Variants in ARSD observed in about 807,000 individuals in gnomAD.
ARSD encodes the protein arylsulfatase D.
ARSD carries 21 observed loss-of-function variants against 32.6 expected under a neutral mutation model. That is an observed-to-expected ratio of 0.64 (90% CI 0.46 to 0.93). ARSD has a LOEUF of 0.93. ARSD is among the 40% of genes least tolerant of loss of function. The pLI is 0.00. For synonymous variants in ARSD, 224 were observed against 237.4 expected, an observed-to-expected ratio of 0.94 and a Z score of 0.52; for missense variants, 454 against 520.9, an observed-to-expected ratio of 0.87 and a Z score of 1.25.
Position 2,920,701 on chromosome X carries a change from G to C in ARSD, c.339C>G (p.Tyr113Ter). 1 of 1,211,829 alleles carries C rather than the reference G, an allele frequency of 8.3e-7. No homozygotes were observed. The highest frequency in any genetic ancestry group is 1.1e-6 in the Non-Finnish European group (1 of 895,523). Residue 113 changes from tyrosine (Y) to a stop codon, truncating the protein, a stop_gained, in exon 4 of 10, where the codon TAC becomes TAG. Coordinates refer to ENST00000381154, the MANE Select transcript of ARSD (RefSeq NM_001669.4). LOFTEE classifies it high-confidence loss of function. Reference protein sequence around the residue: ...FRSGMDASNGYRALQWNAGSG... With the variant: ...FRSGMDASNG ...AGCCTGCGTTCCACTGAAGGGCCCG[G>C]TATCCATTGCTGGCGTCCATGCCTG... is the stretch of plus-strand genomic sequence containing the variant.
intron 6 of ARSD, among the ~76,000 whole-genome samples, chrX:2,912,638 A>C (rs922893213): frequency 9.0e-6 from 1 of 111,678 alleles, no homozygotes; most frequent in Admixed American, 9.6e-5. Context: ...CACAACGCCA[A>C]GAGGTTGCCA....
intron 2 of ARSD, among the ~76,000 whole-genome samples, chrX:2,922,354 A>G: frequency 9.0e-6 from 1 of 110,504 alleles, no homozygotes; most frequent in Non-Finnish European, 1.9e-5. Context: ...CAAGGAAAGG[A>G]GATTTATGTT....
rs2088863196 is a variant in ARSD, at chrX:2,907,603, T to C, written c.1450A>G (p.Thr484Ala). Residue 484 changes from threonine (T) to alanine (A), a missense_variant, in exon 10 of 10, where the codon ACC becomes GCC. By Grantham distance (58) the Thr-to-Ala change is moderately conservative. Coordinates refer to ENST00000381154, the MANE Select transcript of ARSD (RefSeq NM_001669.4). ...GCTCCCTCGGGGTGGAACTGCGGGG[T>C]CGTGTAATGAACCTTCCAGACGCTT... Reference protein sequence around the residue: ...SGSVWKVHYTTPQFHPEGAGA... With the variant: ...SGSVWKVHYTAPQFHPEGAGA... 1.8e-6 allele frequency: 2 copies of C among 1,113,542 alleles called. No homozygotes were observed. The highest frequency in any genetic ancestry group is 1.2e-6 in the Non-Finnish European group (1 of 847,489). The allele number at this position is 1,113,542 out of a possible 1,213,427, so 91.8% of individuals were successfully genotyped here. A position where few individuals can be genotyped will look rare whatever the true frequency, so the allele number is the denominator to read the frequency against.
In ARSD at chrX:2,918,294, C is replaced by T. The variant is rs183240650; in HGVS notation, c.440-67G>A. 13 of 1,016,748 alleles carry T rather than the reference C, an allele frequency of 1.3e-5. No homozygotes were observed. The Admixed American group carries it at 2.7e-4, about 21-fold the overall frequency. 83.8% of individuals were successfully genotyped at this position (1,016,748 alleles called of 1,213,427 possible). A position where few individuals can be genotyped will look rare whatever the true frequency, so the allele number is the denominator to read the frequency against. ...CAGCCCTGTCTGCTGCAAAGAACCT[C>T]GGAATCATTCCGCGTCGGCAGGAAA... is the stretch of plus-strand genomic sequence containing the variant. On this transcript the variant is annotated intron_variant, in intron 4 of 9. Transcript: ENST00000381154.
rs1054598002 is a variant in ARSD, at chrX:2,914,422, G to A, written c.1000+1134C>T. The A allele has an allele frequency of 1.1e-4, 52 of 460,962 alleles. 1 individual carries two copies. The highest frequency in any genetic ancestry group is 1.3e-4 in the Non-Finnish European group (49 of 365,964). 38.0% of individuals were successfully genotyped at this position (460,962 alleles called of 1,213,427 possible). ...TTTTTAAATTTTTTGTAGAGATGGG[G>A]GGGGGGGGCGTCTCACTATGTTGCC... is the stretch of plus-strand genomic sequence containing the variant. On this transcript the variant is annotated intron_variant, in intron 6 of 9. Coordinates refer to ENST00000381154, the MANE Select transcript of ARSD (RefSeq NM_001669.4).
intron 1 of ARSD, among the ~76,000 whole-genome samples, chrX:2,928,141 G>A (rs2089103998): frequency 9.0e-6 from 1 of 110,903 alleles, no homozygotes; most frequent in Admixed American, 9.6e-5. Context: ...AAATGAAGCT[G>A]GGAATGCAGG....
chrX:2,920,328 A>T, intron 4 of ARSD: 1 of 320,234 alleles, frequency 3.1e-6, no homozygotes, highest in Non-Finnish European at 5.5e-6. Context: ...TCTGATTCAG[A>T]GGACACAGGA....
At chrX:2,910,099 C>A in intron 7 of ARSD, 120 bp from the exon 8 acceptor site, 1 of 930,983 alleles carries the variant, frequency 1.1e-6, no homozygotes, top group Admixed American at 3.5e-5. Context: ...CACATGCACA[C>A]TGGGGCAGCC....
At chrX:2,928,414 G>A (rs1293961786) in intron 1 of ARSD, among the ~76,000 whole-genome samples, 1 of 98,236 alleles carries the variant, frequency 1.0e-5, no homozygotes, top group East Asian at 3.3e-4. Flanking sequence ...AGCCGTGCTT[G>A]GGAGGATGGG....
intron 6 of ARSD, chrX:2,913,437 G>GC: frequency 1.5e-6 from 1 of 679,284 alleles, no homozygotes; most frequent in Non-Finnish European, 1.8e-6. Context: ...ATTTTAGGGT[G>GC]CCCTGGCAAA....
At chrX:2,924,594 A>G (rs1253353911) in intron 2 of ARSD, among the ~76,000 whole-genome samples, 3 of 113,279 alleles carry the variant, frequency 2.6e-5, no homozygotes, top group Non-Finnish European at 5.6e-5. Context: ...GTGTTTGCAC[A>G]TGCCACTGCA....
chrX:2,910,625 G>A (rs372941673), intron 7 of ARSD, 34 bp downstream of exon 7: 26 of 1,207,697 alleles, frequency 2.2e-5, no homozygotes, highest in East Asian at 3.0e-5. Context: ...ATATTTGGTC[G>A]AATGCATATG....
At chrX:2,914,569 T>G in intron 6 of ARSD, 1 of 1,012,017 alleles carries the variant, frequency 9.9e-7, no homozygotes, top group South Asian at 1.9e-5. Flanking sequence ...GACTGTGAAC[T>G]CTATCACGAT....
At chrX:2,910,027 T>C (rs1406530666) in intron 7 of ARSD, 48 bp from the exon 8 acceptor site, 1 of 1,194,137 alleles carries the variant, frequency 8.4e-7, no homozygotes, top group Non-Finnish European at 1.1e-6. Context: ...CTGCCCAGTC[T>C]GTACACACAT....
At position 2,925,859 on chromosome X, in the gene ARSD, A is replaced by G. The variant is rs1456523222; in HGVS notation, c.45-94T>C. The G allele has an allele frequency of 7.8e-6, 7 of 894,434 alleles. No individual in the cohort carries two copies. The Admixed American group carries it at 1.9e-4, about 24-fold the overall frequency. The allele number at this position is 894,434 out of a possible 1,213,427, so 73.7% of individuals were successfully genotyped here. ...AGCTCGCTGGGAAGGCGAAGGTCTT[A>G]CCACTAAATTAAGACGTTCAGCTTT... On this transcript the variant is annotated intron_variant, in intron 1 of 9. Transcript: ENST00000381154.
intron 1 of ARSD, among the ~76,000 whole-genome samples, chrX:2,929,008 C>T (rs1486354104): frequency 8.9e-6 from 1 of 112,328 alleles, no homozygotes; most frequent in African/African-American, 3.2e-5. Context: ...ACCCGCCCTT[C>T]GTCCCCTCAG....
At chrX:2,917,080 A>G (rs1448335200) in intron 5 of ARSD, among the ~76,000 whole-genome samples, 5 of 106,458 alleles carry the variant, frequency 4.7e-5, no homozygotes, top group African/African-American at 1.7e-4. Context: ...AAAAAAAAAA[A>G]AAAAAAATGA....
At chrX:2,915,776 C>T (rs1298387861) in intron 5 of ARSD, 84 bp from the exon 6 acceptor site, 28 of 972,040 alleles carry the variant, frequency 2.9e-5, no homozygotes, top group Non-Finnish European at 3.9e-5. Context: ...CACTCCAGCA[C>T]TATTCACAAG....
intron 3 of ARSD, among the ~76,000 whole-genome samples, chrX:2,921,545 TTATC>T (rs759617482): frequency 3.9e-4 from 44 of 111,959 alleles, no homozygotes; most frequent in East Asian, 2.5e-3. Context: ...AGCTGTCAAT[TTATC>T]TATCTATCTA....
Sources: allele counts gnomAD v4.1 joint callset (sites outside exome capture counted in the v4.1 genomes callset), GRCh38; gene constraint gnomAD v4.1.1; transcripts MANE v1.5; gene names NCBI Gene and HGNC (gene_info 2026-07-23, HGNC 2026-07-21).